Variants in SPIRE1 observed in about 807,000 individuals in gnomAD.
SPIRE1 encodes spire type actin nucleation factor 1, also known as protein spire homolog 1.
A neutral mutation model predicts 94.1 loss-of-function variants in SPIRE1; 40 were observed. The observed-to-expected ratio is 0.43, with a 90% CI of 0.33 to 0.55. The LOEUF is 0.55. SPIRE1 is among the 20% of genes least tolerant of loss of function. The pLI, the probability that SPIRE1 is intolerant of heterozygous loss-of-function variation, is 0.06. For synonymous variants in SPIRE1, 376 were observed against 371.7 expected (o/e 1.01, Z -0.13); for missense variants, 838 against 975.2 (o/e 0.86, Z 1.87).
intron 12 of SPIRE1, among the ~76,000 whole-genome samples, chr18:12,457,969 T>C (rs1380286649): frequency 2.0e-5 from 3 of 151,412 alleles, no homozygotes; most frequent in African/African-American, 7.3e-5. Flanking sequence ...CTCAGCCTCC[T>C]GAGTAGCTGG....
chr18:12,529,365 T>C (rs1318016590), intron 4 of SPIRE1, among the ~76,000 whole-genome samples: 2 of 138,972 alleles, frequency 1.4e-5, no homozygotes, highest in African/African-American at 5.5e-5. Context: ...CAAGACTCCG[T>C]CTCAAAAAAA....
intron 2 of SPIRE1, among the ~76,000 whole-genome samples, chr18:12,628,142 G>A (rs1395945811): frequency 6.6e-6 from 1 of 152,252 alleles, no homozygotes; most frequent in East Asian, 1.9e-4. Context: ...CCTATGTCCT[G>A]AATAGTATTG....
Position 12,657,932 on chromosome 18 carries a change from C to T in SPIRE1, c.-66G>A, listed in dbSNP as rs1214499878. The stretch of plus-strand genomic sequence containing the variant: ...CGGCGTCTCCTCAGCTCCGGAGCAT[C>T]GTCGTCGCGCGCCGCCGCCTCACCA... On this transcript the variant is annotated 5_prime_UTR_variant, in exon 1 of 17. Transcript: ENST00000409402. 1 of 1,014,926 alleles carries T rather than the reference C, an allele frequency of 9.9e-7. No homozygotes were observed. Among genetic ancestry groups the T allele is most frequent in the South Asian group, 4.6e-5 (1 of 21,938 alleles). 62.9% of individuals were successfully genotyped at this position (1,014,926 alleles called of 1,614,324 possible).
chr18:12,505,552 CAA>C (rs57390189), intron 6 of SPIRE1, among the ~76,000 whole-genome samples: 4 of 112,776 alleles, frequency 3.5e-5, no homozygotes, highest in Admixed American at 9.5e-5. Flanking sequence ...GACCCTGTCT[CAA>C]AAAAAAAAAA....
chr18:12,558,841 C>T (rs2035598555), intron 2 of SPIRE1, among the ~76,000 whole-genome samples: 1 of 152,196 alleles, frequency 6.6e-6, no homozygotes, highest in Middle Eastern at 3.4e-3. Context: ...ACCAGATTAG[C>T]TAGATACAGA....
intron 2 of SPIRE1, among the ~76,000 whole-genome samples, chr18:12,624,970 A>G (rs560325243): frequency 4.0e-5 from 6 of 149,044 alleles, no homozygotes; most frequent in Admixed American, 1.4e-4. Context: ...TGTATAAATT[A>G]TGTATCCTAT....
At chr18:12,462,803 T>G (rs2031918954) in intron 12 of SPIRE1, among the ~76,000 whole-genome samples, 1 of 152,040 alleles carries the variant, frequency 6.6e-6, no homozygotes, top group Admixed American at 6.6e-5. Flanking sequence ...AAGAAAGCAT[T>G]TCTTTAATAA....
chr18:12,634,831 AG>A (rs1405841054), intron 2 of SPIRE1, among the ~76,000 whole-genome samples: 1 of 152,094 alleles, frequency 6.6e-6, no homozygotes, highest in Admixed American at 6.6e-5. Flanking sequence ...GCCAGTCAGA[AG>A]GCTGAGGCGG....
At chr18:12,568,510 T>C (rs2035874127) in intron 2 of SPIRE1, among the ~76,000 whole-genome samples, 1 of 152,214 alleles carries the variant, frequency 6.6e-6, no homozygotes, top group South Asian at 2.1e-4. Context: ...TGCCTTGGTA[T>C]CCCTGATTCT....
intron 6 of SPIRE1, among the ~76,000 whole-genome samples, chr18:12,502,879 G>A (rs1010359960): frequency 3.3e-5 from 5 of 152,038 alleles, no homozygotes; most frequent in African/African-American, 1.2e-4. Flanking sequence ...AGGCTGAGAT[G>A]GGTGGATCAC....
intron 2 of SPIRE1, among the ~76,000 whole-genome samples, chr18:12,609,984 TCA>T (rs1440192171): frequency 6.6e-6 from 1 of 152,078 alleles, no homozygotes; most frequent in Non-Finnish European, 1.5e-5. Context: ...GTTCTTTCTG[TCA>T]CAGTTATCAG....
chr18:12,508,475 AC>A (rs1349392232), intron 5 of SPIRE1, among the ~76,000 whole-genome samples: 1 of 152,138 alleles, frequency 6.6e-6, no homozygotes, highest in African/African-American at 2.4e-5. Flanking sequence ...CTAAAATAAT[AC>A]CCCTAAAATA....
intron 2 of SPIRE1, among the ~76,000 whole-genome samples, chr18:12,623,795 A>C (rs1034460777): frequency 2.0e-5 from 3 of 151,660 alleles, no homozygotes; most frequent in Admixed American, 1.3e-4. Context: ...TGCTCAACTA[A>C]TTTTTTGTAT....
intron 3 of SPIRE1, among the ~76,000 whole-genome samples, chr18:12,538,916 C>A (rs1017181946): frequency 1.3e-5 from 2 of 152,188 alleles, no homozygotes; most frequent in Non-Finnish European, 2.9e-5. Context: ...CAGTTCTCTA[C>A]TTTTCTCCAT....
rs2038609868 is a variant in SPIRE1 at position 12,658,051 on chromosome 18, G to T, written c.-185C>A. 8 of 991,680 alleles carry T rather than the reference G, an allele frequency of 8.1e-6. No homozygotes were observed. Among genetic ancestry groups the T allele is most frequent in the Non-Finnish European group, 8.4e-6 (7 of 835,054 alleles). 61.4% of individuals were successfully genotyped at this position (991,680 alleles called of 1,614,324 possible). A position where few individuals can be genotyped will look rare whatever the true frequency, so the allele number is the denominator to read the frequency against. On this transcript the variant is annotated 5_prime_UTR_variant, in exon 1 of 17. Coordinates refer to ENST00000409402, the MANE Select transcript of SPIRE1 (RefSeq NM_001128626.2). The stretch of plus-strand genomic sequence containing the variant: ...GCGTGGGCAAGAGGAGGGCGGCGAG[G>T]ACACGGCTGCAGTCCCGGTCAGACA...
intron 1 of SPIRE1, among the ~76,000 whole-genome samples, chr18:12,645,463 C>T (rs569635087): frequency 2.4e-4 from 36 of 152,316 alleles, no homozygotes; most frequent in Admixed American, 1.0e-3. Flanking sequence ...ACAATCCTTC[C>T]TCTTTCTCAC....
In SPIRE1 at chr18:12,480,941, G is replaced by A. The variant is rs546939114; in HGVS notation, c.1232-1070C>T. Among the ~76,000 whole-genome samples the A allele has an allele frequency of 3.9e-5, 6 of 152,316 alleles. No homozygotes were observed. The South Asian group carries it at 1.0e-3, about 26-fold the overall frequency. On this transcript the variant is annotated intron_variant, in intron 9 of 16. Coordinates refer to ENST00000409402, the MANE Select transcript of SPIRE1 (RefSeq NM_001128626.2). ...TTTGCATGCAGTCTGTGAGGCTGCC[G>A]TAGATGGGGCAAAGGGCATGCTAAG...
chr18:12,641,409 G>T (rs964495807), intron 1 of SPIRE1, among the ~76,000 whole-genome samples: 2 of 147,002 alleles, frequency 1.4e-5, no homozygotes, highest in South Asian at 2.1e-4. Context: ...TCGCTCTGTC[G>T]CCAGTCTAGA....
chr18:12,646,063 G>A (rs1281260570), intron 1 of SPIRE1, among the ~76,000 whole-genome samples: 1 of 152,194 alleles, frequency 6.6e-6, no homozygotes, highest in Non-Finnish European at 1.5e-5. Context: ...CTGATTAGCA[G>A]TTATATGCTT....
Sources: gnomAD v4.1 joint callset for allele counts (sites outside exome capture counted in the v4.1 genomes callset) on GRCh38, gnomAD v4.1.1 for gene constraint, MANE v1.5 for transcripts, NCBI Gene and HGNC (gene_info 2026-07-23, HGNC 2026-07-21) for gene names.